Variants in ESRRB observed in about 807,000 individuals in gnomAD.
The protein encoded by ESRRB is steroid hormone receptor ERR2.
ESRRB carries 16 observed loss-of-function variants against 46.0 expected under a neutral mutation model. That is an observed-to-expected ratio of 0.35 (90% CI 0.24 to 0.53). The LOEUF (loss-of-function observed/expected upper bound fraction) is 0.53. ESRRB is among the 20% of genes least tolerant of loss of function. The pLI, the probability that ESRRB is intolerant of heterozygous loss-of-function variation, is 0.93. For synonymous variants in ESRRB, 246 were observed against 259.6 expected (o/e 0.95, Z 0.50); for missense variants, 488 against 607.4 (o/e 0.80, Z 2.07).
At chr14:76,466,182 G>A (rs78809791) in intron 3 of ESRRB, among the ~76,000 whole-genome samples, 5,563 of 152,164 alleles carry the variant, frequency 0.037, 323 homozygotes, top group African/African-American at 0.13. Context: ...TGCTTGGGGG[G>A]CTTTGGGGGT....
At chr14:76,437,388 C>A (rs963270225) in intron 1 of ESRRB, among the ~76,000 whole-genome samples, 1 of 152,116 alleles carries the variant, frequency 6.6e-6, no homozygotes, top group East Asian at 1.9e-4. Context: ...GAGGCCTCTC[C>A]CAATCATAAG....
At chr14:76,463,761 C>T (rs1416523197) in intron 3 of ESRRB, among the ~76,000 whole-genome samples, 2 of 151,910 alleles carry the variant, frequency 1.3e-5, no homozygotes, top group African/African-American at 4.8e-5. Flanking sequence ...TTTATCTATT[C>T]GTTAATGTGA....
rs79345268 is a variant in ESRRB at position 76,499,510 on chromosome 14, G to A, written c.*1052G>A. On this transcript the variant is annotated 3_prime_UTR_variant, in exon 7 of 7. Coordinates refer to ENST00000644823, the MANE Select transcript of ESRRB (RefSeq NM_001379180.1). ...GAGCCCCAAAGGGAGGGAACTCAGC[G>A]GGGTGGCCTGCCTCATCCTTCCTGG... 0.014 allele frequency: 5,357 copies of A among 396,656 alleles called. 54 individuals carry two copies. The highest frequency in any genetic ancestry group is 0.042 in the East Asian group (722 of 17,188). 24.6% of individuals were successfully genotyped at this position (396,656 alleles called of 1,614,324 possible).
At chr14:76,468,416 C>CG (rs397720975) in intron 3 of ESRRB, among the ~76,000 whole-genome samples, 1 of 132,820 alleles carries the variant, frequency 7.5e-6, no homozygotes, top group Non-Finnish European at 1.6e-5. Context: ...CACCACCCCC[C>CG]AAACACGCAC....
Position 76,482,263 on chromosome 14 carries a change from G to A in ESRRB, c.688+137G>A. Reference sequence around the variant, plus strand: ...CTTGGGGAGGTGACATCAGTGCCTGGCACATTTAGAATGTGGCTCCAAATG... The same window carrying A: ...CTTGGGGAGGTGACATCAGTGCCTGACACATTTAGAATGTGGCTCCAAATG... On this transcript the variant is annotated intron_variant, in intron 4 of 6. Coordinates refer to ENST00000644823, the MANE Select transcript of ESRRB (RefSeq NM_001379180.1). The surrounding 1 kb of genome is among the most constrained non-coding windows in gnomAD (Gnocchi z 4.3). 1.3e-6 allele frequency: 1 copy of A among 755,310 alleles called. No individual in the cohort carries two copies. Among genetic ancestry groups the A allele is most frequent in the Non-Finnish European group, 2.3e-6 (1 of 434,384 alleles). 46.8% of individuals were successfully genotyped at this position (755,310 alleles called of 1,614,324 possible). A position where few individuals can be genotyped will look rare whatever the true frequency, so the allele number is the denominator to read the frequency against.
At chr14:76,451,060 T>C (rs1401478187) in intron 2 of ESRRB, among the ~76,000 whole-genome samples, 1 of 152,148 alleles carries the variant, frequency 6.6e-6, no homozygotes, top group East Asian at 1.9e-4. Context: ...TTATACCTTC[T>C]GGAGGGCAGG....
chr14:76,481,864 C>T, intron 3 of ESRRB, 152 bp from the exon 4 acceptor site: 1 of 735,806 alleles, frequency 1.4e-6, no homozygotes, highest in Non-Finnish European at 2.4e-6. Context: ...ATTGTCCAGC[C>T]ACCTGGCCTG....
chr14:76,371,198 A>G (rs1220765868), upstream of ESRRB: 1 of 152,224 alleles, frequency 6.6e-6, no homozygotes, highest in Non-Finnish European at 1.5e-5. Context: ...GGAGACTATT[A>G]TGAGAGCACA....
At chr14:76,330,797 G>A (rs911509558) in intron 1 of ESRRB, among the ~76,000 whole-genome samples, 14 of 152,160 alleles carry the variant, frequency 9.2e-5, no homozygotes, top group African/African-American at 2.9e-4. Context: ...ACAAAGGGAG[G>A]CAGGTCTGGG....
chr14:76,315,602 C>T (rs1420593750), intron 1 of ESRRB, among the ~76,000 whole-genome samples: 1 of 152,162 alleles, frequency 6.6e-6, no homozygotes, highest in Non-Finnish European at 1.5e-5. Context: ...AGTGCTTAGC[C>T]CTGGGCCCAA....
chr14:76,405,874 G>A (rs1417708414), intron 1 of ESRRB, among the ~76,000 whole-genome samples: 1 of 152,098 alleles, frequency 6.6e-6, no homozygotes, highest in Non-Finnish European at 1.5e-5. Context: ...AGCTATGATT[G>A]TGCCGCGTCA....
intron 1 of ESRRB, among the ~76,000 whole-genome samples, chr14:76,344,818 C>T (rs1884230597): frequency 7.3e-6 from 1 of 137,018 alleles, no homozygotes; most frequent in African/African-American, 2.7e-5. Context: ...TGCCACTGCA[C>T]TCCAGCCTGG....
intron 1 of ESRRB, among the ~76,000 whole-genome samples, chr14:76,356,660 G>T (rs987303587): frequency 6.6e-6 from 1 of 152,156 alleles, no homozygotes; most frequent in Non-Finnish European, 1.5e-5. Context: ...CCCACTCTGT[G>T]CTAACTCCAG....
intron 1 of ESRRB, among the ~76,000 whole-genome samples, chr14:76,385,864 T>A (rs1229709629): frequency 6.6e-6 from 1 of 152,220 alleles, no homozygotes; most frequent in African/African-American, 2.4e-5. Flanking sequence ...TTCCCAGAAC[T>A]ACAGAAATTA....
At chr14:76,466,080 C>T (rs1030409229) in intron 3 of ESRRB, among the ~76,000 whole-genome samples, 3 of 152,160 alleles carry the variant, frequency 2.0e-5, no homozygotes, top group South Asian at 2.1e-4. Context: ...GTGGGCTCAT[C>T]GCCCACCTCA....
chr14:76,421,703 AG>A (rs1256687171), intron 1 of ESRRB, among the ~76,000 whole-genome samples: 1 of 152,174 alleles, frequency 6.6e-6, no homozygotes, highest in Non-Finnish European at 1.5e-5. Flanking sequence ...GGCACAGGCT[AG>A]GTTAGGTGTG....
chr14:76,438,966 ATTT>A (rs34310817), intron 1 of ESRRB, among the ~76,000 whole-genome samples: 1 of 147,014 alleles, frequency 6.8e-6, no homozygotes. Flanking sequence ...TGCCAGGCTA[ATTT>A]TTTTTTTTTT....
At position 76,341,245 on chromosome 14, in the gene ESRRB, G is replaced by A. The variant is rs114561576; in HGVS notation, c.2+30329G>A. 5.2e-3 allele frequency among the ~76,000 whole-genome samples: 792 copies of A among 152,316 alleles called. 13 individuals are homozygous for A. Among genetic ancestry groups the A allele is most frequent in the African/African-American group, 0.018 (735 of 41,580 alleles). On this transcript the variant is annotated intron_variant, in intron 1 of 6. Coordinates refer to the ESRRB transcript ENST00000512784. ...CAGTCTTCGCTGAGTGCCCAGCCAC[G>A]TTGCCCAGACAGCCCCCAGCTCTCC...
intron 1 of ESRRB, among the ~76,000 whole-genome samples, chr14:76,334,571 C>T (rs1427564375): frequency 2.6e-5 from 4 of 152,192 alleles, no homozygotes; most frequent in Non-Finnish European, 5.9e-5. Context: ...TTAATCATAA[C>T]AAAACAGAAT....
Sources: allele counts gnomAD v4.1 joint callset (sites outside exome capture counted in the v4.1 genomes callset), GRCh38; gene constraint gnomAD v4.1.1; non-coding constraint Gnocchi (gnomAD v3.1); transcripts MANE v1.5; gene names NCBI Gene and HGNC (gene_info 2026-07-23, HGNC 2026-07-21).